TPH1: variants seen among roughly 807,000 people sequenced by gnomAD.
The protein encoded by TPH1 is tryptophan hydroxylase 1.
TPH1 carries 37 observed loss-of-function variants against 49.5 expected under a neutral mutation model. The ratio of observed to expected loss-of-function variants is 0.75; its 90% confidence interval spans 0.58 to 0.98. The LOEUF (loss-of-function observed/expected upper bound fraction) is 0.98, where lower values mean the gene tolerates loss of function less well. Ranked by LOEUF, TPH1 falls within the 50% of genes least tolerant of loss-of-function variation. TPH1 has a pLI of 0.00. For synonymous variants in TPH1, 160 were observed against 182.1 expected, an observed-to-expected ratio of 0.88 and a Z score of 0.98; for missense variants, 487 against 523.6, an observed-to-expected ratio of 0.93 and a Z score of 0.68.
At position 18,018,673 on chromosome 11, in the gene TPH1, A is replaced by AAAAAAAAAG. The variant is rs1854323144; in HGVS notation, c.*2317_*2318insCTTTTTTTT. 1 of 51,686 alleles carries AAAAAAAAAG rather than the reference A, an allele frequency of 1.9e-5. No individual in the cohort carries two copies. The allele number at this position is 51,686 out of a possible 1,614,324, so 3.2% of individuals were successfully genotyped here. On this transcript the variant is annotated 3_prime_UTR_variant, in exon 11 of 11. Coordinates refer to ENST00000682019, the MANE Select transcript of TPH1 (RefSeq NM_004179.3). The stretch of plus-strand genomic sequence containing the variant: ...AGAGCAAGACTCCGTCTCAAAAAAA[A>AAAAAAAAAG]AAAAAAAAAAAAAAAAAAAAAAAAA...
chr11:18,027,002 T>C (rs558524718), intron 6 of TPH1, among the ~76,000 whole-genome samples: 1 of 152,332 alleles, frequency 6.6e-6, no homozygotes, highest in East Asian at 1.9e-4. Flanking sequence ...CCTTAAGGGG[T>C]TATACTATCT....
chr11:18,040,770 T>C lies in TPH1; in HGVS notation c.-8A>G, dbSNP rs1439856694. ...CTTATTGTCTTCAATCATGATGAAT[T>C]TGGAGTAATTCTCTAAAACTAAAGT... On this transcript the variant is annotated 5_prime_UTR_variant, in exon 2 of 11. Transcript: ENST00000682019. 1 of 1,611,242 alleles carries C rather than the reference T, an allele frequency of 6.2e-7. No homozygotes were observed. Among genetic ancestry groups the C allele is most frequent in the Non-Finnish European group, 8.5e-7 (1 of 1,178,744 alleles).
intron 6 of TPH1, among the ~76,000 whole-genome samples, chr11:18,027,964 A>G (rs1317853524): frequency 6.6e-6 from 1 of 152,244 alleles, no homozygotes; most frequent in Non-Finnish European, 1.5e-5. Flanking sequence ...TTTTAAGTCT[A>G]TGAGAGAAAC....
intron 1 of TPH1, 25 bp from the exon 2 acceptor site, chr11:18,040,813 G>A (rs368859248): frequency 1.9e-5 from 30 of 1,594,820 alleles, no homozygotes; most frequent in African/African-American, 1.7e-4. Context: ...CAAAGACTAC[G>A]GGCTAAAAAA....
At chr11:18,022,604 A>T (rs1380240461) in intron 10 of TPH1, among the ~76,000 whole-genome samples, 194 bp downstream of exon 10, 2 of 152,216 alleles carry the variant, frequency 1.3e-5, no homozygotes, top group African/African-American at 4.8e-5. Flanking sequence ...AATGTATCTG[A>T]TTCATATTTG....
chr11:18,020,465 T>C lies in TPH1; in HGVS notation c.*526A>G, dbSNP rs1854346305. ...GCAAAGGCCTCTATACTTTTGCTCA[T>C]GCTAGCAACAAAGACAGCAGGGTCT... On this transcript the variant is annotated 3_prime_UTR_variant, in exon 11 of 11. Coordinates refer to ENST00000682019, the MANE Select transcript of TPH1 (RefSeq NM_004179.3). 6.2e-6 allele frequency: 1 copy of C among 162,110 alleles called. No individual in the cohort carries two copies. The allele number at this position is 162,110 out of a possible 1,614,324, so 10.0% of individuals were successfully genotyped here. A position where few individuals can be genotyped will look rare whatever the true frequency, so the allele number is the denominator to read the frequency against.
At chr11:18,040,595 T>C (rs908678956) in intron 2 of TPH1, 51 bp downstream of exon 2, 10 of 1,551,280 alleles carry the variant, frequency 6.4e-6, no homozygotes, top group Middle Eastern at 4.0e-4. Context: ...AATATAGTTT[T>C]AGAGATTCAT....
intron 1 of TPH1, among the ~76,000 whole-genome samples, chr11:18,044,044 G>A (rs1385205303): frequency 6.6e-6 from 1 of 152,122 alleles, no homozygotes; most frequent in Non-Finnish European, 1.5e-5. Flanking sequence ...TCCTTAGTTG[G>A]TGTGGGGAGA....
chr11:18,042,378 C>A (rs1489656820), intron 1 of TPH1: 2 of 454,420 alleles, frequency 4.4e-6, no homozygotes, highest in Non-Finnish European at 4.4e-6. Flanking sequence ...TCAATTACCA[C>A]TCAAAGATTG....
rs373830455 is a variant in TPH1 at position 18,036,157 on chromosome 11, G to A, written c.118-15C>T. ...ACATGCTTCTCCTGTGTAAAGCACAGGGAAAAGATTTCATGTAACTGCCTC... is the reference window on the plus strand; with the variant it reads ...ACATGCTTCTCCTGTGTAAAGCACAAGGAAAAGATTTCATGTAACTGCCTC... On this transcript the variant is annotated splice_polypyrimidine_tract_variant and intron_variant, in intron 2 of 10. Coordinates refer to ENST00000682019, the MANE Select transcript of TPH1 (RefSeq NM_004179.3). 4 of 1,605,242 alleles carry A rather than the reference G, an allele frequency of 2.5e-6. No homozygotes were observed. Among genetic ancestry groups the A allele is most frequent in the Non-Finnish European group, 3.4e-6 (4 of 1,173,714 alleles).
rs562889785 is a variant in TPH1 at position 18,029,493 on chromosome 11, T to C, written c.470+19A>G. 1.9e-6 allele frequency: 3 copies of C among 1,595,166 alleles called. No individual in the cohort carries two copies. In the South Asian group the frequency reaches 3.3e-5, roughly 18 times the overall value. ...TTTTATTATCTCAAAGTTGACTATA[T>C]TTTTTTAAATATACTTACTGTTTAT... is the stretch of plus-strand genomic sequence containing the variant. On this transcript the variant is annotated intron_variant, in intron 5 of 10. Transcript: ENST00000682019.
intron 3 of TPH1, among the ~76,000 whole-genome samples, chr11:18,034,548 A>G (rs186591290): frequency 2.0e-5 from 3 of 152,316 alleles, no homozygotes; most frequent in African/African-American, 7.2e-5. Context: ...AGGCATGGTG[A>G]GGAGCCCTCA....
intron 1 of TPH1, among the ~76,000 whole-genome samples, chr11:18,043,132 G>C (rs1848113450): frequency 6.6e-6 from 1 of 152,060 alleles, no homozygotes; most frequent in Non-Finnish European, 1.5e-5. Context: ...CTATTTCCTG[G>C]CCAACCACTA....
At position 18,038,640 on chromosome 11, in the gene TPH1, ACT is replaced by A. The variant is rs1174723867; in HGVS notation, c.117+2004_117+2005del. 3.9e-5 allele frequency among the ~76,000 whole-genome samples: 6 copies of A among 152,236 alleles called. 1 individual carries two copies. Among genetic ancestry groups the A allele is most frequent in the Non-Finnish European group, 2.9e-5 (2 of 68,042 alleles). Reference sequence around the variant, plus strand: ...ACACGTGATTTAATGAGTGTGATTAACTCAAGCTTCTGCACACAAGGTTGCAA... The same window carrying A: ...ACACGTGATTTAATGAGTGTGATTAACAAGCTTCTGCACACAAGGTTGCAA... On this transcript the variant is annotated intron_variant, in intron 2 of 10. Coordinates refer to ENST00000682019, the MANE Select transcript of TPH1 (RefSeq NM_004179.3).
At chr11:18,040,603 C>T (rs1214918834) in intron 2 of TPH1, 43 bp downstream of exon 2, 2 of 1,573,480 alleles carry the variant, frequency 1.3e-6, no homozygotes, top group East Asian at 2.3e-5. Flanking sequence ...TTTAGAGATT[C>T]ATTTCTAGAA....
Position 18,031,736 on chromosome 11 carries a change from C to T in TPH1, c.402+1538G>A, listed in dbSNP as rs1182399913. 2.0e-5 allele frequency among the ~76,000 whole-genome samples: 3 copies of T among 152,108 alleles called. No homozygotes were observed. In the East Asian group the frequency reaches 5.8e-4, roughly 29 times the overall value. On this transcript the variant is annotated intron_variant, in intron 4 of 10. Transcript: ENST00000682019. ...CATAAACATGCCCCAGATTTTCTTGCCTCTGAACCTTTGCTCATATTGTTC... is the reference window on the plus strand; with the variant it reads ...CATAAACATGCCCCAGATTTTCTTGTCTCTGAACCTTTGCTCATATTGTTC...
chr11:18,040,892 A>C, intron 1 of TPH1, 104 bp from the exon 2 acceptor site: 1 of 1,111,574 alleles, frequency 9.0e-7, no homozygotes, highest in Non-Finnish European at 1.3e-6. Flanking sequence ...TCAGTTTCTT[A>C]ACCTTTTATA....
rs1350413189 is a variant in TPH1, at chr11:18,020,579, A to T, written c.*412T>A. On this transcript the variant is annotated 3_prime_UTR_variant, in exon 11 of 11. Coordinates refer to ENST00000682019, the MANE Select transcript of TPH1 (RefSeq NM_004179.3). Reference sequence around the variant, plus strand: ...CTTTAGAAATAAGGGGATCTTAGGTAACAATATGAGTCAGCGCCATAATAC... The same window carrying T: ...CTTTAGAAATAAGGGGATCTTAGGTTACAATATGAGTCAGCGCCATAATAC... 1 of 171,454 alleles carries T rather than the reference A, an allele frequency of 5.8e-6. No individual in the cohort carries two copies. Among genetic ancestry groups the T allele is most frequent in the Non-Finnish European group, 1.3e-5 (1 of 79,030 alleles). The allele number at this position is 171,454 out of a possible 1,614,324, so 10.6% of individuals were successfully genotyped here.
chr11:18,038,348 A>AAGAATGAATG (rs1409100886), intron 2 of TPH1, among the ~76,000 whole-genome samples: 1 of 152,212 alleles, frequency 6.6e-6, no homozygotes, highest in Admixed American at 6.5e-5. Context: ...TAGCAGTTAG[A>AAGAATGAATG]AGAATGAATG....
Sources: allele counts gnomAD v4.1 joint callset (sites outside exome capture counted in the v4.1 genomes callset), GRCh38; gene constraint gnomAD v4.1.1; transcripts MANE v1.5; gene names NCBI Gene and HGNC (gene_info 2026-07-23, HGNC 2026-07-21).